Variants in RNF212B observed in about 807,000 individuals in gnomAD.
RNF212B encodes the protein ring finger protein 212B.
In RNF212B, 52 loss-of-function variants were observed where a neutral mutation model predicts 55.5. That is an observed-to-expected ratio of 0.94 (90% CI 0.75 to 1.18). The LOEUF (loss-of-function observed/expected upper bound fraction) is 1.18, where lower values mean the gene tolerates loss of function less well. Among genes scored for constraint, RNF212B ranks in the 50% most tolerant of loss-of-function variants. RNF212B has a pLI of 0.00. For missense variants in RNF212B, 289 were observed against 350.4 expected (o/e 0.82, Z 1.40); for synonymous variants, 99 against 121.4 (o/e 0.82, Z 1.21).
rs146688025 is a variant in RNF212B at position 23,195,438 on chromosome 14, A to G, written c.-2+2037A>G. Among the ~76,000 whole-genome samples the G allele has an allele frequency of 3.6e-4, 55 of 152,206 alleles. 1 individual carries two copies. The East Asian group carries it at 7.3e-3, about 20-fold the overall frequency. The stretch of plus-strand genomic sequence containing the variant: ...CCCATCTTCACCATATCTCTTGTCT[A>G]CCTCTAAGGCTTCGATGTCCTTTGT... On this transcript the variant is annotated intron_variant, in intron 2 of 15. Coordinates refer to the RNF212B transcript ENST00000399910.
intron 4 of RNF212B, among the ~76,000 whole-genome samples, chr14:23,247,225 CCTT>C (rs778979212): frequency 1.6e-4 from 24 of 151,994 alleles, no homozygotes; most frequent in Non-Finnish European, 3.2e-4. Context: ...CATGCAATCA[CCTT>C]CTTTTTTAAT....
chr14:23,210,587 C>A (rs560112226), intron 2 of RNF212B, among the ~76,000 whole-genome samples: 5 of 151,682 alleles, frequency 3.3e-5, no homozygotes, highest in African/African-American at 1.2e-4. Context: ...ACCAGTCTTG[C>A]CAACATAGTG....
At chr14:23,240,561 T>A (rs1311207450) in intron 2 of RNF212B, 116 bp downstream of exon 2, 1 of 606,274 alleles carries the variant, frequency 1.6e-6, no homozygotes, top group Non-Finnish European at 2.9e-6. Context: ...TCAATGGTGA[T>A]AAAGATACTG....
chr14:23,185,995 G>C (rs993887065), intron 1 of RNF212B, among the ~76,000 whole-genome samples: 1 of 152,166 alleles, frequency 6.6e-6, no homozygotes, highest in African/African-American at 2.4e-5. Context: ...AGCTACTCAG[G>C]AGGCTGAGGT....
chr14:23,259,668 A>G (rs984782417), intron 5 of RNF212B: 5 of 341,224 alleles, frequency 1.5e-5, no homozygotes, highest in Non-Finnish European at 2.7e-5. Context: ...CCCTGAAATC[A>G]TACCAAGTAA....
At chr14:23,246,541 A>T (rs1329642235) in intron 4 of RNF212B, among the ~76,000 whole-genome samples, 1 of 152,142 alleles carries the variant, frequency 6.6e-6, no homozygotes, top group Non-Finnish European at 1.5e-5. Flanking sequence ...TCTTGTAAAG[A>T]TCCAATGAGA....
chr14:23,208,244 G>A (rs915624606), intron 2 of RNF212B, among the ~76,000 whole-genome samples: 3 of 152,188 alleles, frequency 2.0e-5, no homozygotes, highest in Admixed American at 6.6e-5. Flanking sequence ...GGAGTCAGCC[G>A]GATGTGGTGG....
intron 4 of RNF212B, among the ~76,000 whole-genome samples, chr14:23,255,762 A>G (rs926323981): frequency 3.3e-5 from 5 of 152,224 alleles, no homozygotes; most frequent in African/African-American, 1.2e-4. Flanking sequence ...TTCTTTGGAA[A>G]AACGAAAGAG....
At chr14:23,204,984 A>T (rs1003760403) in intron 2 of RNF212B, among the ~76,000 whole-genome samples, 8 of 152,150 alleles carry the variant, frequency 5.3e-5, no homozygotes, top group African/African-American at 1.9e-4. Flanking sequence ...ATCTTAGTTT[A>T]AAAAAAGTTT....
intron 4 of RNF212B, among the ~76,000 whole-genome samples, chr14:23,252,906 T>C (rs1462239875): frequency 1.3e-5 from 2 of 152,282 alleles, no homozygotes; most frequent in South Asian, 2.1e-4. Flanking sequence ...TAAAAGGAAG[T>C]GGGCCAAGTG....
At chr14:23,198,445 G>T (rs12888111) in intron 2 of RNF212B, among the ~76,000 whole-genome samples, 22,782 of 151,966 alleles carry the variant, frequency 0.15, 2,167 homozygotes, top group East Asian at 0.41. Flanking sequence ...TTTGGGAGGC[G>T]GAGGAGGGTG....
At chr14:23,245,275 G>A (rs1168767364) in intron 4 of RNF212B, among the ~76,000 whole-genome samples, 1 of 152,080 alleles carries the variant, frequency 6.6e-6, no homozygotes, top group African/African-American at 2.4e-5. Context: ...GGGGAATTAA[G>A]GCTTGCTGCT....
intron 2 of RNF212B, among the ~76,000 whole-genome samples, chr14:23,201,559 AT>A (rs1402843758): frequency 6.6e-6 from 1 of 152,246 alleles, no homozygotes; most frequent in East Asian, 1.9e-4. Context: ...TTCCTGTATA[AT>A]TTTTATACCA....
intron 2 of RNF212B, among the ~76,000 whole-genome samples, chr14:23,210,776 C>A (rs1296700295): frequency 1.0e-2 from 606 of 60,668 alleles, no homozygotes; most frequent in South Asian, 0.017. Context: ...GACTCTGTCT[C>A]AAAAAAAAAA....
chr14:23,203,194 T>A (rs1054670185), intron 2 of RNF212B, among the ~76,000 whole-genome samples: 3 of 152,010 alleles, frequency 2.0e-5, no homozygotes, highest in Non-Finnish European at 4.4e-5. Flanking sequence ...TGCCTGTGTA[T>A]CTTTATAGCT....
intron 2 of RNF212B, among the ~76,000 whole-genome samples, chr14:23,223,854 C>A (rs1400122571): frequency 6.6e-6 from 1 of 152,056 alleles, no homozygotes; most frequent in African/African-American, 2.4e-5. Flanking sequence ...AAGACTCCAC[C>A]AAAAACTATT....
intron 2 of RNF212B, among the ~76,000 whole-genome samples, chr14:23,216,469 A>C (rs1881084066): frequency 6.6e-6 from 1 of 152,164 alleles, no homozygotes; most frequent in Non-Finnish European, 1.5e-5. Flanking sequence ...TTAAATTTAA[A>C]TGGTTTAACT....
At position 23,264,232 on chromosome 14, in the gene RNF212B, C is replaced by T. The variant is rs1172899731; in HGVS notation, c.583C>T (p.Gln195Ter). The T allele has an allele frequency of 6.5e-7, 1 of 1,547,014 alleles. No individual in the cohort carries two copies. Among genetic ancestry groups the T allele is most frequent in the Admixed American group, 2.0e-5 (1 of 51,002 alleles). Residue 195 changes from glutamine to a stop codon, truncating the protein, a stop_gained and splice_region_variant, in exon 10 of 15, where the codon CAA becomes TAA. Coordinates refer to ENST00000430154, the MANE Select transcript of RNF212B (RefSeq NM_001282322.3). LOFTEE classifies it high-confidence loss of function. ...YREAGFGSLGQGGRGLQGRRT... is the reference protein window; with the variant it reads ...YREAGFGSLG Reference sequence around the variant, plus strand: ...AGAGGCTGGCTTTGGTAGCTTGGGACAAGTAAGTAATGTTCACCTTATCTT... The same window carrying T: ...AGAGGCTGGCTTTGGTAGCTTGGGATAAGTAAGTAATGTTCACCTTATCTT...
At chr14:23,217,246 TGGC>T (rs1881169359) in intron 2 of RNF212B, among the ~76,000 whole-genome samples, 1 of 147,414 alleles carries the variant, frequency 6.8e-6, no homozygotes, top group Non-Finnish European at 1.5e-5. Flanking sequence ...GTGGCAGTGG[TGGC>T]AGTGGTGGGG....
Sources: allele counts gnomAD v4.1 joint callset (sites outside exome capture counted in the v4.1 genomes callset), GRCh38; gene constraint gnomAD v4.1.1; transcripts MANE v1.5; gene names NCBI Gene and HGNC (gene_info 2026-07-23, HGNC 2026-07-21).